Variants in MAP2K5 observed in about 807,000 individuals in gnomAD.
The protein encoded by MAP2K5 is dual specificity mitogen-activated protein kinase kinase 5.
In MAP2K5, 49 loss-of-function variants were observed where a neutral mutation model predicts 83.1. That is an observed-to-expected ratio of 0.59 (90% confidence interval 0.47 to 0.75). MAP2K5 has a LOEUF of 0.75. Among genes scored for constraint, MAP2K5 ranks in the 30% least tolerant of loss-of-function variants. The pLI is 0.00. For synonymous variants in MAP2K5, 202 were observed against 191.8 expected, an observed-to-expected ratio of 1.05 and a Z score of -0.44; for missense variants, 457 against 557.5, an observed-to-expected ratio of 0.82 and a Z score of 1.82.
chr15:67,547,032 T>G (rs1478188735), intron 1 of MAP2K5, among the ~76,000 whole-genome samples: 1 of 150,738 alleles, frequency 6.6e-6, no homozygotes, highest in Non-Finnish European at 1.5e-5. Flanking sequence ...ACCACTGCAC[T>G]CTAGCTTGGG....
rs1162229336 is a variant in MAP2K5, at chr15:67,785,249, A to G, written c.1242+12497A>G. 5.9e-5 allele frequency among the ~76,000 whole-genome samples: 9 copies of G among 152,284 alleles called. No individual in the cohort carries two copies. In the East Asian group the frequency reaches 9.6e-4, roughly 16 times the overall value. On this transcript the variant is annotated intron_variant, in intron 21 of 21. Coordinates refer to ENST00000178640, the MANE Select transcript of MAP2K5 (RefSeq NM_145160.3). The surrounding 1 kb of genome is among the most constrained non-coding windows in gnomAD (Gnocchi z 4.4). ...TGTGAGCCACCGTGCCCGGCCCCGA[A>G]CTGTTTCTTAAACACAGGAAGATAA...
rs2084535579 is a variant in MAP2K5, at chr15:67,552,661, T to G, written c.184+2579T>G. On this transcript the variant is annotated intron_variant, in intron 2 of 21. Coordinates refer to ENST00000178640, the MANE Select transcript of MAP2K5 (RefSeq NM_145160.3). This position sits in a 1 kb window ranked among gnomAD's most constrained non-coding sequence, Gnocchi z 4.2. ...TGTGTTGCTCAGGCTGGTCTTGAACTCCTGGCCTCAAGTGATAGTCCCATC... is the reference window on the plus strand; with the variant it reads ...TGTGTTGCTCAGGCTGGTCTTGAACGCCTGGCCTCAAGTGATAGTCCCATC... Among the ~76,000 whole-genome samples the G allele has an allele frequency of 6.6e-6, 1 of 152,178 alleles. No homozygotes were observed. The highest frequency in any genetic ancestry group is 1.5e-5 in the Non-Finnish European group (1 of 68,038).
In MAP2K5 at chr15:67,738,252, A is replaced by C. The variant is rs2089389594; in HGVS notation, c.1075-9979A>C. Among the ~76,000 whole-genome samples the C allele has an allele frequency of 6.6e-6, 1 of 152,196 alleles. No individual in the cohort carries two copies. Among genetic ancestry groups the C allele is most frequent in the Non-Finnish European group, 1.5e-5 (1 of 68,034 alleles). On this transcript the variant is annotated intron_variant, in intron 17 of 21. Transcript: ENST00000178640. The surrounding 1 kb of genome is among the most constrained non-coding windows in gnomAD (Gnocchi z 4.1). ...TGTCTTGTTTTGTTTTCTGTTCAGA[A>C]ACAAGTTGCAGAGAGCACTCTTCTG...
chr15:67,806,055 G>A (rs2090798632), intron 21 of MAP2K5, among the ~76,000 whole-genome samples: 1 of 152,158 alleles, frequency 6.6e-6, no homozygotes, highest in Non-Finnish European at 1.5e-5. Flanking sequence ...AGCCCCCAAT[G>A]GAACTTCTCA....
chr15:67,779,842 C>G lies in MAP2K5; in HGVS notation c.1242+7090C>G, dbSNP rs990456812. Among the ~76,000 whole-genome samples the G allele has an allele frequency of 6.6e-6, 1 of 152,174 alleles. No individual in the cohort carries two copies. The highest frequency in any genetic ancestry group is 2.4e-5 in the African/African-American group (1 of 41,456). On this transcript the variant is annotated intron_variant, in intron 21 of 21. Coordinates refer to ENST00000178640, the MANE Select transcript of MAP2K5 (RefSeq NM_145160.3). The surrounding 1 kb of genome is among the most constrained non-coding windows in gnomAD (Gnocchi z 4.6). Reference sequence around the variant, plus strand: ...AGTAAAGTGGATCAGTTGGGCTGCTCTTCAGTGCCGTGCCAGATTTGCGGC... The same window carrying G: ...AGTAAAGTGGATCAGTTGGGCTGCTGTTCAGTGCCGTGCCAGATTTGCGGC...
rs1017645157 is a variant in MAP2K5 at position 67,644,918 on chromosome 15, G to A, written c.586-1313G>A. 6.6e-6 allele frequency among the ~76,000 whole-genome samples: 1 copy of A among 152,128 alleles called. No homozygotes were observed. Among genetic ancestry groups the A allele is most frequent in the African/African-American group, 2.4e-5 (1 of 41,434 alleles). On this transcript the variant is annotated intron_variant, in intron 9 of 21. Transcript: ENST00000178640. This position sits in a 1 kb window ranked among gnomAD's most constrained non-coding sequence, Gnocchi z 4.6. ...AATCCCAGAACTTTGGGAGGCTGAGGTGAGCGGATCATTGAGGTCAGGAGT... is the reference window on the plus strand; with the variant it reads ...AATCCCAGAACTTTGGGAGGCTGAGATGAGCGGATCATTGAGGTCAGGAGT...
At chr15:67,648,261 C>T (rs2086872773) in intron 11 of MAP2K5, among the ~76,000 whole-genome samples, 1 of 152,156 alleles carries the variant, frequency 6.6e-6, no homozygotes, top group Non-Finnish European at 1.5e-5. Flanking sequence ...TTGGCAACCA[C>T]TGATTTATCT....
At position 67,636,557 on chromosome 15, in the gene MAP2K5, CTT is replaced by C. The variant is rs2086608089; in HGVS notation, c.585+5631_585+5632del. Among the ~76,000 whole-genome samples the C allele has an allele frequency of 6.6e-6, 1 of 150,878 alleles. No individual in the cohort carries two copies. Among genetic ancestry groups the C allele is most frequent in the Non-Finnish European group, 1.5e-5 (1 of 67,744 alleles). On this transcript the variant is annotated intron_variant, in intron 9 of 21. Coordinates refer to ENST00000178640, the MANE Select transcript of MAP2K5 (RefSeq NM_145160.3). The surrounding 1 kb of genome is among the most constrained non-coding windows in gnomAD (Gnocchi z 4.7). ...TGTATTTTTCACTTTTTTTTCATATCTTATAATTTTTTTTAAGTGAAAAGCAA... is the reference window on the plus strand; with the variant it reads ...TGTATTTTTCACTTTTTTTTCATATCATAATTTTTTTTAAGTGAAAAGCAA...
chr15:67,748,677 A>T lies in MAP2K5; in HGVS notation c.1134+76A>T. ...TGGAAAGCTTATATTTTGTTTCCTAATGAAGCACAATGCCCAACATCCTTG... is the reference window on the plus strand; with the variant it reads ...TGGAAAGCTTATATTTTGTTTCCTATTGAAGCACAATGCCCAACATCCTTG... On this transcript the variant is annotated intron_variant, in intron 19 of 21. Transcript: ENST00000178640. This position sits in a 1 kb window ranked among gnomAD's most constrained non-coding sequence, Gnocchi z 4.0. The T allele has an allele frequency of 7.4e-7, 1 of 1,358,656 alleles. No individual in the cohort carries two copies. Among genetic ancestry groups the T allele is most frequent in the Non-Finnish European group, 1.0e-6 (1 of 954,110 alleles). The allele number at this position is 1,358,656 out of a possible 1,614,324, so 84.2% of individuals were successfully genotyped here.
At chr15:67,630,948 A>G (rs111902953) in intron 9 of MAP2K5, 21 bp downstream of exon 9, 10 of 1,577,318 alleles carry the variant, frequency 6.3e-6, no homozygotes, top group African/African-American at 1.4e-5. Flanking sequence ...GATACATTTT[A>G]TGAAATTCTT....
intron 8 of MAP2K5, among the ~76,000 whole-genome samples, chr15:67,630,462 G>GA (rs374837331): frequency 0.011 from 1,710 of 150,584 alleles, 38 homozygotes; most frequent in African/African-American, 0.04. Flanking sequence ...AAAAAAATGG[G>GA]AAAAAAAAAG....
At chr15:67,551,121 T>C (rs1408838727) in intron 2 of MAP2K5, among the ~76,000 whole-genome samples, 1 of 152,216 alleles carries the variant, frequency 6.6e-6, no homozygotes, top group Non-Finnish European at 1.5e-5. Context: ...CACAATAGGA[T>C]ACTTTTTTGT....
chr15:67,575,321 A>T (rs924627766), intron 3 of MAP2K5, among the ~76,000 whole-genome samples: 4 of 151,930 alleles, frequency 2.6e-5, no homozygotes, highest in African/African-American at 9.7e-5. Flanking sequence ...CACTTACAGG[A>T]AACCGAATGG....
At chr15:67,745,857 A>G (rs957093162) in intron 17 of MAP2K5, among the ~76,000 whole-genome samples, 8 of 152,218 alleles carry the variant, frequency 5.3e-5, no homozygotes, top group Admixed American at 5.2e-4. Context: ...TTAAAAAGTA[A>G]TTGAGTATCT....
At chr15:67,788,595 T>C (rs1406508233) in intron 21 of MAP2K5, among the ~76,000 whole-genome samples, 3 of 152,182 alleles carry the variant, frequency 2.0e-5, no homozygotes, top group African/African-American at 7.2e-5. Flanking sequence ...AAGCACTTAA[T>C]ATAGTAGTTG....
rs942678223 is a variant in MAP2K5 at position 67,764,546 on chromosome 15, A to G, written c.1135-5056A>G. On this transcript the variant is annotated intron_variant, in intron 19 of 21. Coordinates refer to ENST00000178640, the MANE Select transcript of MAP2K5 (RefSeq NM_145160.3). This position sits in a 1 kb window ranked among gnomAD's most constrained non-coding sequence, Gnocchi z 4.9. ...GCAGGGCTGGTTATTAGGGATGTAC[A>G]TCTTATCCCTCTGAACAATACACAA... Among the ~76,000 whole-genome samples, 2 of 152,184 alleles carry G rather than the reference A, an allele frequency of 1.3e-5. No homozygotes were observed. Among genetic ancestry groups the G allele is most frequent in the African/African-American group, 4.8e-5 (2 of 41,444 alleles).
chr15:67,579,772 TA>T (rs780179499), intron 3 of MAP2K5, among the ~76,000 whole-genome samples: 29 of 151,414 alleles, frequency 1.9e-4, no homozygotes, highest in African/African-American at 3.9e-4. Flanking sequence ...TGATATCTTC[TA>T]AAAAAAAACT....
At chr15:67,618,431 G>C (rs2086104222) in intron 8 of MAP2K5, among the ~76,000 whole-genome samples, 1 of 152,174 alleles carries the variant, frequency 6.6e-6, no homozygotes, top group Non-Finnish European at 1.5e-5. Context: ...TCCTAAGTGA[G>C]CGTGTGTAGT....
At chr15:67,571,120 T>C (rs1228406355) in intron 3 of MAP2K5, among the ~76,000 whole-genome samples, 1 of 152,232 alleles carries the variant, frequency 6.6e-6, no homozygotes, top group Non-Finnish European at 1.5e-5. Context: ...TTGTGCCCTG[T>C]CTGTAATGTG....
Sources: gnomAD v4.1 joint callset for allele counts (sites outside exome capture counted in the v4.1 genomes callset) on GRCh38, gnomAD v4.1.1 for gene constraint, Gnocchi (gnomAD v3.1) non-coding constraint, MANE v1.5 for transcripts, NCBI Gene and HGNC (gene_info 2026-07-23, HGNC 2026-07-21) for gene names.